The following ZBTB20 variants were observed in gnomAD, a reference collection of about 807,000 sequenced individuals.
ZBTB20 encodes zinc finger and BTB domain containing 20.
ZBTB20 carries 9 observed loss-of-function variants against 56.9 expected under a neutral mutation model. The ratio of observed to expected loss-of-function variants is 0.16; its 90% CI spans 0.10 to 0.28. The LOEUF (loss-of-function observed/expected upper bound fraction) is 0.28. Among genes scored for constraint, ZBTB20 ranks in the 10% least tolerant of loss-of-function variants. ZBTB20 has a pLI of 1.00. For missense variants in ZBTB20, 655 were observed against 1,003.0 expected, an observed-to-expected ratio of 0.65 and a Z score of 4.69; for synonymous variants, 417 against 420.7, an observed-to-expected ratio of 0.99 and a Z score of 0.11.
At chr3:114,504,495 C>T (rs904980018) in intron 6 of ZBTB20, among the ~76,000 whole-genome samples, 10 of 152,178 alleles carry the variant, frequency 6.6e-5, no homozygotes, top group Admixed American at 5.9e-4. Flanking sequence ...TATTTGCACA[C>T]GTGTTCATTT....
At chr3:114,753,352 A>G (rs954087320) in intron 5 of ZBTB20, among the ~76,000 whole-genome samples, 1 of 87,740 alleles carries the variant, frequency 1.1e-5, no homozygotes, top group African/African-American at 3.6e-5. Context: ...ATATGTATAC[A>G]TTATATATAA....
intron 4 of ZBTB20, among the ~76,000 whole-genome samples, chr3:114,820,427 C>G (rs2073173195): frequency 6.6e-6 from 1 of 151,910 alleles, no homozygotes; most frequent in Admixed American, 6.6e-5. Flanking sequence ...TAGAAACACC[C>G]ATACACTTGG....
chr3:114,930,341 G>A (rs2076308284), intron 3 of ZBTB20, among the ~76,000 whole-genome samples: 1 of 152,068 alleles, frequency 6.6e-6, no homozygotes, highest in African/African-American at 2.4e-5. Flanking sequence ...AATGAAAAAA[G>A]GGAAATAATA....
At chr3:114,967,825 C>T (rs530557813) in intron 3 of ZBTB20, among the ~76,000 whole-genome samples, 80 of 151,868 alleles carry the variant, frequency 5.3e-4, no homozygotes, top group African/African-American at 1.0e-3. Flanking sequence ...GGCGTGGTGG[C>T]GGGCACCTAT....
intron 7 of ZBTB20, among the ~76,000 whole-genome samples, chr3:114,440,612 T>C (rs61311563): frequency 0.26 from 39,263 of 151,984 alleles, 5,562 homozygotes; most frequent in Admixed American, 0.35. Flanking sequence ...AAAGAGAGCA[T>C]AGGGGAGAAA....
chr3:115,093,000 T>TA (rs2083254869), intron 1 of ZBTB20, among the ~76,000 whole-genome samples: 1 of 152,100 alleles, frequency 6.6e-6, no homozygotes, highest in African/African-American at 2.4e-5. Flanking sequence ...TATAGCTACT[T>TA]AAAATCACAG....
intron 3 of ZBTB20, among the ~76,000 whole-genome samples, chr3:114,956,914 A>C (rs1198732653): frequency 6.6e-6 from 1 of 152,166 alleles, no homozygotes; most frequent in Non-Finnish European, 1.5e-5. Flanking sequence ...ATACGCAACA[A>C]TGTACACTGT....
intron 2 of ZBTB20, among the ~76,000 whole-genome samples, chr3:115,025,593 G>A (rs1205431691): frequency 1.3e-5 from 2 of 150,728 alleles, no homozygotes; most frequent in African/African-American, 4.9e-5. Context: ...AATGATTCAT[G>A]GGATCACAAA....
At chr3:114,991,960 G>T (rs972038239) in intron 2 of ZBTB20, among the ~76,000 whole-genome samples, 4 of 151,802 alleles carry the variant, frequency 2.6e-5, no homozygotes, top group Admixed American at 2.0e-4. Context: ...TTGCTCCGTA[G>T]ATCTTCCTCC....
intron 10 of ZBTB20, among the ~76,000 whole-genome samples, chr3:114,367,889 C>G (rs554733319): frequency 2.0e-4 from 30 of 152,282 alleles, no homozygotes; most frequent in African/African-American, 7.2e-4. Flanking sequence ...AGGGCACTGG[C>G]TTTTCCTCGA....
intron 1 of ZBTB20, among the ~76,000 whole-genome samples, chr3:115,078,923 C>A (rs951626965): frequency 2.0e-5 from 3 of 151,874 alleles, no homozygotes; most frequent in Non-Finnish European, 4.4e-5. Context: ...AAGTGAATAA[C>A]CATTTTATTA....
At chr3:114,803,895 A>C (rs2071904892) in intron 4 of ZBTB20, among the ~76,000 whole-genome samples, 1 of 151,806 alleles carries the variant, frequency 6.6e-6, no homozygotes, top group Admixed American at 6.6e-5. Flanking sequence ...TCAGGTTCCA[A>C]AATCTGTTAA....
chr3:114,838,877 CT>C (rs2108989024), intron 4 of ZBTB20, among the ~76,000 whole-genome samples: 1 of 152,158 alleles, frequency 6.6e-6, no homozygotes, highest in Non-Finnish European at 1.5e-5. Context: ...ACAAGGATGT[CT>C]TTAAACTTAT....
intron 1 of ZBTB20, among the ~76,000 whole-genome samples, chr3:115,136,948 T>G (rs183935286): frequency 6.6e-6 from 1 of 152,134 alleles, no homozygotes. Context: ...TTAAGAACAC[T>G]AGGTCCCACA....
intron 7 of ZBTB20, among the ~76,000 whole-genome samples, chr3:114,447,463 T>C (rs2091337927): frequency 6.6e-6 from 1 of 152,198 alleles, no homozygotes; most frequent in Admixed American, 6.5e-5. Flanking sequence ...TAGGATTTAA[T>C]TTCACACTTA....
At chr3:115,008,076 T>C (rs746789209) in intron 2 of ZBTB20, among the ~76,000 whole-genome samples, 9 of 151,850 alleles carry the variant, frequency 5.9e-5, no homozygotes, top group Non-Finnish European at 1.0e-4. Flanking sequence ...ACTTCAAACA[T>C]CACCTTTATT....
chr3:115,140,414 C>T (rs1369079557), intron 1 of ZBTB20, among the ~76,000 whole-genome samples: 1 of 151,958 alleles, frequency 6.6e-6, no homozygotes, highest in African/African-American at 2.4e-5. Context: ...TGTAAAAACT[C>T]GTTAGAAGTA....
chr3:114,847,934 C>A (rs1384522586), intron 4 of ZBTB20, among the ~76,000 whole-genome samples: 1 of 152,152 alleles, frequency 6.6e-6, no homozygotes, highest in African/African-American at 2.4e-5. Flanking sequence ...TACTTTCTAG[C>A]TTTCAGGAAG....
intron 6 of ZBTB20, among the ~76,000 whole-genome samples, chr3:114,500,629 C>G (rs1455834140): frequency 6.6e-6 from 1 of 152,172 alleles, no homozygotes; most frequent in African/African-American, 2.4e-5. Flanking sequence ...CAGTACTTCC[C>G]AGCACAAGGA....
Sources: gnomAD v4.1 joint callset for allele counts (sites outside exome capture counted in the v4.1 genomes callset) on GRCh38, gnomAD v4.1.1 for gene constraint, MANE v1.5 for transcripts, NCBI Gene and HGNC (gene_info 2026-07-23, HGNC 2026-07-21) for gene names.